The following RPLP2 variants were observed in gnomAD, a reference collection of about 807,000 sequenced individuals.
RPLP2 encodes large ribosomal subunit protein P2.
In RPLP2, 1 loss-of-function variant was observed where a neutral mutation model predicts 11.5. The ratio of observed to expected loss-of-function variants is 0.09; its 90% CI spans 0.03 to 0.41. The LOEUF is 0.41. Ranked by LOEUF, RPLP2 falls within the 10% of genes least tolerant of loss-of-function variation. The probability of loss-of-function intolerance (pLI) is 0.98; values close to 1 mark genes in which losing one functional copy is unlikely to be tolerated. For missense variants in RPLP2, 177 were observed against 145.6 expected, an observed-to-expected ratio of 1.22 and a Z score of -1.11; for synonymous variants, 82 against 55.9, an observed-to-expected ratio of 1.47 and a Z score of -2.08.
At chr11:810,973 C>T (rs545854143) in intron 2 of RPLP2, among the ~76,000 whole-genome samples, 1 of 136,668 alleles carries the variant, frequency 7.3e-6, no homozygotes, top group East Asian at 2.1e-4. Flanking sequence ...AAGTTCGAGA[C>T]TGGTCTGGAA....
intron 1 of RPLP2, 22 bp from the exon 2 acceptor site, chr11:810,212 G>A (rs560855971): frequency 1.3e-6 from 2 of 1,503,026 alleles, no homozygotes; most frequent in East Asian, 2.7e-5. Flanking sequence ...CTCCGCCGTC[G>A]CGTCCTCTCC....
intron 2 of RPLP2, 194 bp from the exon 3 acceptor site, chr11:811,403 A>G: frequency 1.6e-6 from 1 of 625,708 alleles, no homozygotes; most frequent in Non-Finnish European, 2.8e-6. Context: ...TCCTAAGTCT[A>G]AGAAAGCTAG....
intron 2 of RPLP2, chr11:810,583 C>A (rs1018431367): frequency 4.9e-6 from 2 of 404,828 alleles, no homozygotes; most frequent in Middle Eastern, 6.3e-4. Context: ...CACCTGAGGT[C>A]AGGGGTTCGA....
In RPLP2 at chr11:810,462, C is replaced by G. The variant is rs1865996640; in HGVS notation, c.123+105C>G. The G allele has an allele frequency of 4.3e-6, 5 of 1,164,970 alleles. No individual in the cohort carries two copies. In the Admixed American group the frequency reaches 8.3e-5, roughly 19 times the overall value. 72.2% of individuals were successfully genotyped at this position (1,164,970 alleles called of 1,614,324 possible). A position where few individuals can be genotyped will look rare whatever the true frequency, so the allele number is the denominator to read the frequency against. ...ATGCTGGAGGGTTCGGGGAGAGGCTCGTTTCAGTCTAGTTGGCGATTTCTT... is the reference window on the plus strand; with the variant it reads ...ATGCTGGAGGGTTCGGGGAGAGGCTGGTTTCAGTCTAGTTGGCGATTTCTT... On this transcript the variant is annotated intron_variant, in intron 2 of 4. Transcript: ENST00000321153.
chr11:812,415 C>A, intron 3 of RPLP2, 120 bp from the exon 4 acceptor site: 2 of 1,300,808 alleles, frequency 1.5e-6, no homozygotes, highest in Non-Finnish European at 2.1e-6. Context: ...GAGACACTGG[C>A]ATATGGTGGG....
intron 3 of RPLP2, 177 bp downstream of exon 3, chr11:811,822 C>G (rs764023088): frequency 1.2e-6 from 1 of 824,432 alleles, no homozygotes; most frequent in East Asian, 2.4e-5. Context: ...CTCTCAGGAG[C>G]AGGGCAGCAG....
chr11:811,096 G>C (rs1046952250), intron 2 of RPLP2, among the ~76,000 whole-genome samples: 1 of 151,176 alleles, frequency 6.6e-6, no homozygotes, highest in Non-Finnish European at 1.5e-5. Flanking sequence ...AGAATCATTT[G>C]AGCCTTAGAG....
In RPLP2 at chr11:809,975, T is replaced by C. The variant is rs986150220; in HGVS notation, c.-66T>C. 2 of 385,180 alleles carry C rather than the reference T, an allele frequency of 5.2e-6. No individual in the cohort carries two copies. The highest frequency in any genetic ancestry group is 4.8e-5 in the Admixed American group (1 of 20,638). 23.9% of individuals were successfully genotyped at this position (385,180 alleles called of 1,614,324 possible). A position where few individuals can be genotyped will look rare whatever the true frequency, so the allele number is the denominator to read the frequency against. On this transcript the variant is annotated 5_prime_UTR_variant, in exon 1 of 5. Coordinates refer to ENST00000321153, the MANE Select transcript of RPLP2 (RefSeq NM_001004.4). ...TCTTGCGTCGGCGCCTTCCTTTTCC[T>C]CCCTGTCGCCACCGAGGTCGCACGC...
Position 810,055 on chromosome 11 carries a change from G to T in RPLP2, c.-2+16G>T, listed in dbSNP as rs1455054203. The T allele has an allele frequency of 1.4e-6, 1 of 706,886 alleles. No homozygotes were observed. The highest frequency in any genetic ancestry group is 4.5e-4 in the Middle Eastern group (1 of 2,244). 43.8% of individuals were successfully genotyped at this position (706,886 alleles called of 1,614,324 possible). A position where few individuals can be genotyped will look rare whatever the true frequency, so the allele number is the denominator to read the frequency against. On this transcript the variant is annotated intron_variant, in intron 1 of 4. Transcript: ENST00000321153. Reference sequence around the variant, plus strand: ...ACGCCGCCGCGTGAGTGTGGTGACCGGGCCCGGGGTGCCGGCTGGGGACGC... The same window carrying T: ...ACGCCGCCGCGTGAGTGTGGTGACCTGGCCCGGGGTGCCGGCTGGGGACGC...
At chr11:811,317 A>G in intron 2 of RPLP2, 1 of 497,464 alleles carries the variant, frequency 2.0e-6, no homozygotes, top group Non-Finnish European at 3.6e-6. Flanking sequence ...TTTCATTGCC[A>G]GTTTATTTTG....
At chr11:812,167 G>A (rs1385618047) in intron 3 of RPLP2, 12 of 387,818 alleles carry the variant, frequency 3.1e-5, no homozygotes, top group African/African-American at 1.2e-4. Context: ...CTCAGCAAAC[G>A]GGCCAAGCCA....
chr11:812,238 G>C (rs1866087393), intron 3 of RPLP2: 8 of 475,638 alleles, frequency 1.7e-5, no homozygotes, highest in Non-Finnish European at 2.3e-5. Context: ...TCCCTACCTA[G>C]TTATGAACAT....
intron 2 of RPLP2, chr11:811,371 A>T: frequency 1.7e-6 from 1 of 589,682 alleles, no homozygotes; most frequent in East Asian, 2.8e-5. Context: ...AAGTAGTGAG[A>T]TGCCCTGTGT....
At chr11:811,439 C>T (rs1866057116) in intron 2 of RPLP2, 158 bp from the exon 3 acceptor site, 1 of 734,214 alleles carries the variant, frequency 1.4e-6, no homozygotes, top group Admixed American at 2.6e-5. Context: ...ATATCACTTC[C>T]CAAGTGAGGC....
Position 812,867 on chromosome 11 carries a change from T to C in RPLP2, c.*31T>C, listed in dbSNP as rs747299820. ...TGCTCCCCTGCAAATAAAGCCTTTTTACACATCTCTCAAGTATTCCATGAG... is the reference window on the plus strand; with the variant it reads ...TGCTCCCCTGCAAATAAAGCCTTTTCACACATCTCTCAAGTATTCCATGAG... On this transcript the variant is annotated 3_prime_UTR_variant, in exon 5 of 5. Coordinates refer to ENST00000321153, the MANE Select transcript of RPLP2 (RefSeq NM_001004.4). The C allele has an allele frequency of 1.2e-6, 2 of 1,608,748 alleles. No homozygotes were observed. Among genetic ancestry groups the C allele is most frequent in the Admixed American group, 3.3e-5 (2 of 60,004 alleles).
rs911588257 is a variant in RPLP2 at position 809,976 on chromosome 11, C to G, written c.-65C>G. 1 of 388,674 alleles carries G rather than the reference C, an allele frequency of 2.6e-6. No individual in the cohort carries two copies. Among genetic ancestry groups the G allele is most frequent in the Non-Finnish European group, 4.5e-6 (1 of 221,212 alleles). 24.1% of individuals were successfully genotyped at this position (388,674 alleles called of 1,614,324 possible). On this transcript the variant is annotated 5_prime_UTR_variant, in exon 1 of 5. Transcript: ENST00000321153. ...CTTGCGTCGGCGCCTTCCTTTTCCT[C>G]CCTGTCGCCACCGAGGTCGCACGCG... is the stretch of plus-strand genomic sequence containing the variant.
chr11:810,446 G>A, intron 2 of RPLP2, 89 bp downstream of exon 2: 2 of 1,292,788 alleles, frequency 1.5e-6, no homozygotes, highest in Non-Finnish European at 2.1e-6. Context: ...CATGCTGGAG[G>A]GTTCGGGGAG....
At chr11:812,481 A>C in intron 3 of RPLP2, 54 bp from the exon 4 acceptor site, 1 of 1,597,400 alleles carries the variant, frequency 6.3e-7, no homozygotes, top group Admixed American at 1.7e-5. Flanking sequence ...TTCCCTGTGG[A>C]ACAGCCTCCC....
At chr11:812,043 T>C (rs976392338) in intron 3 of RPLP2, 8 of 394,904 alleles carry the variant, frequency 2.0e-5, no homozygotes, top group Non-Finnish European at 3.8e-5. Flanking sequence ...CTTGCCTCTT[T>C]GTTGGGCAGA....
Sources: gnomAD v4.1 joint callset for allele counts (sites outside exome capture counted in the v4.1 genomes callset) on GRCh38, gnomAD v4.1.1 for gene constraint, MANE v1.5 for transcripts, NCBI Gene and HGNC (gene_info 2026-07-23, HGNC 2026-07-21) for gene names.